KIAA1586: variants seen among roughly 807,000 people sequenced by gnomAD.
The protein encoded by KIAA1586 is KIAA1586.
In KIAA1586, 5 loss-of-function variants were observed where a neutral mutation model predicts 6.1. The observed-to-expected ratio is 0.82, with a 90% CI of 0.43 to 1.73. The LOEUF is 1.73. KIAA1586 is among the 40% of genes most tolerant of loss of function. The pLI is 0.02. For synonymous variants in KIAA1586, 280 were observed against 301.7 expected, an observed-to-expected ratio of 0.93 and a Z score of 0.75; for missense variants, 899 against 878.2, an observed-to-expected ratio of 1.02 and a Z score of -0.30.
chr6:57,060,722 T>A, the KIAA1586 span, among the ~76,000 whole-genome samples: 3 of 152,182 alleles, frequency 2.0e-5, no homozygotes, highest in Admixed American at 1.3e-4. Context: ...TTCAAGAGGT[T>A]TAGTCAATTG....
In KIAA1586 at chr6:57,053,324, A is replaced by T. The variant is rs1384964098; in HGVS notation, c.825A>T (p.Lys275Asn). The change falls in exon 4 of 4, where the codon AAA becomes AAT. Residue 275 changes from lysine to asparagine, a missense_variant. Lys to Asn is a moderately conservative substitution (Grantham distance 94). Coordinates refer to ENST00000370733, the MANE Select transcript of KIAA1586 (RefSeq NM_020931.4). ...DIEGARELQE[K>N]NGEVNCLNTR... is the part of the protein sequence containing the mutation. ...AGGGGGCAAGAGAATTACAGGAAAA[A>T]AATGGAGAGGTAAATTGTTTAAATA... is the stretch of plus-strand genomic sequence containing the variant. 1 of 1,612,634 alleles carries T rather than the reference A, an allele frequency of 6.2e-7. No individual in the cohort carries two copies. The highest frequency in any genetic ancestry group is 1.3e-5 in the African/African-American group (1 of 74,874).
At chr6:57,057,206 C>T (rs559727839), downstream of KIAA1586, among the ~76,000 whole-genome samples, 9 of 149,172 alleles carry the variant, frequency 6.0e-5, no homozygotes, top group South Asian at 6.4e-4. Flanking sequence ...CCAGCCTGGG[C>T]GACAGAGCGA....
intron 2 of KIAA1586, among the ~76,000 whole-genome samples, chr6:57,049,651 C>G (rs910069518): frequency 6.6e-6 from 1 of 152,148 alleles, no homozygotes; most frequent in Non-Finnish European, 1.5e-5. Context: ...TCCTTGCCAT[C>G]ACTATTTTTG....
Position 57,054,185 on chromosome 6 carries a change from A to C in KIAA1586, c.1686A>C (p.Arg562Ser). ...KAQKLIKRTIRALENLKIGTG... is the reference protein window; with the variant it reads ...KAQKLIKRTISALENLKIGTG... ...AAAAATTGATCAAACGTACCATAAG[A>C]GCTTTGGAAAATTTAAAAATTGGTA... Residue 562 changes from arginine to serine, a missense_variant, in exon 4 of 4, where the codon AGA becomes AGC. Coordinates refer to ENST00000370733, the MANE Select transcript of KIAA1586 (RefSeq NM_020931.4). The C allele has an allele frequency of 1.3e-6, 2 of 1,592,388 alleles. No homozygotes were observed. Among genetic ancestry groups the C allele is most frequent in the Non-Finnish European group, 1.7e-6 (2 of 1,172,652 alleles).
the KIAA1586 span, among the ~76,000 whole-genome samples, chr6:57,063,074 A>G: frequency 6.6e-6 from 1 of 152,248 alleles, no homozygotes; most frequent in Non-Finnish European, 1.5e-5. Flanking sequence ...AAAATTGGAA[A>G]TTTAACAAAA....
In KIAA1586 at chr6:57,053,754, T is replaced by G; in HGVS notation, c.1255T>G (p.Leu419Val). 1 of 1,598,104 alleles carries G rather than the reference T, an allele frequency of 6.3e-7. No homozygotes were observed. The highest frequency in any genetic ancestry group is 8.5e-7 in the Non-Finnish European group (1 of 1,172,352). Residue 419 changes from leucine to valine, a missense_variant, in exon 4 of 4, where the codon TTA becomes GTA. Coordinates refer to ENST00000370733, the MANE Select transcript of KIAA1586 (RefSeq NM_020931.4). ...TCCTGAAATCATCATTTGGAACTGT[T>G]TAAATCATCGATTACAATTGTCACT... ...NFPEIIIWNC[L>V]NHRLQLSLDD... is the part of the protein sequence containing the mutation.
the KIAA1586 span, among the ~76,000 whole-genome samples, chr6:57,065,635 C>T: frequency 1.1e-3 from 160 of 152,148 alleles, no homozygotes; most frequent in African/African-American, 3.7e-3. Flanking sequence ...TATAGGCTCA[C>T]ACCACCACAC....
chr6:57,061,211 C>T, the KIAA1586 span, among the ~76,000 whole-genome samples: 8 of 148,614 alleles, frequency 5.4e-5, no homozygotes, highest in South Asian at 6.5e-4. Flanking sequence ...CTCCTGACCT[C>T]GTGATCTGCC....
At chr6:57,051,101 A>G (rs1828313497) in intron 3 of KIAA1586, among the ~76,000 whole-genome samples, 2 of 151,278 alleles carry the variant, frequency 1.3e-5, no homozygotes, top group African/African-American at 4.9e-5. Flanking sequence ...GCTTGGTGGC[A>G]CATGCCTGTA....
At chr6:57,059,562 G>A (rs564880649), downstream of KIAA1586, among the ~76,000 whole-genome samples, 2 of 146,854 alleles carry the variant, frequency 1.4e-5, no homozygotes, top group Non-Finnish European at 3.0e-5. Flanking sequence ...CTGCACTCCA[G>A]CCTGGGCGAG....
rs750093460 is a variant in KIAA1586, at chr6:57,054,816, A to T, written c.2317A>T (p.Thr773Ser). 185 of 1,550,960 alleles carry T rather than the reference A, an allele frequency of 1.2e-4. No homozygotes were observed. The highest frequency in any genetic ancestry group is 1.5e-4 in the Non-Finnish European group (175 of 1,146,612). The change falls in exon 4 of 4, where the codon ACA (threonine) becomes TCA (serine). Residue 773 changes from threonine (T) to serine (S), a missense_variant. By Grantham distance (58) the Thr-to-Ser change is moderately conservative. Coordinates refer to ENST00000370733, the MANE Select transcript of KIAA1586 (RefSeq NM_020931.4). Reference sequence around the variant, plus strand: ...AGATACAAGAGTTCGGCAAAAGTCAACAAAAGTCTTCCATGAGAATCAATT... The same window carrying T: ...AGATACAAGAGTTCGGCAAAAGTCATCAAAAGTCTTCCATGAGAATCAATT... ...ATDTRVRQKS[T>S]KVFHENQLAI...
chr6:57,051,605 G>A (rs536595673), intron 3 of KIAA1586, among the ~76,000 whole-genome samples: 21 of 151,372 alleles, frequency 1.4e-4, no homozygotes, highest in East Asian at 9.6e-4. Flanking sequence ...TAGACTAAAT[G>A]CAATACAAAA....
At chr6:57,061,888 A>G in the KIAA1586 span, among the ~76,000 whole-genome samples, 1 of 151,906 alleles carries the variant, frequency 6.6e-6, no homozygotes, top group Non-Finnish European at 1.5e-5. Context: ...TGATCTTTTT[A>G]TTAATTATAG....
chr6:57,048,928 A>G (rs566451134), intron 2 of KIAA1586, among the ~76,000 whole-genome samples: 7 of 152,354 alleles, frequency 4.6e-5, no homozygotes, highest in African/African-American at 1.7e-4. Context: ...AAATCATTAT[A>G]TTTTAAATTG....
chr6:57,061,268 G>A, the KIAA1586 span, among the ~76,000 whole-genome samples: 3 of 152,106 alleles, frequency 2.0e-5, no homozygotes, highest in Non-Finnish European at 4.4e-5. Context: ...GAGCCACCGC[G>A]CCCGGCCATG....
chr6:57,054,545 CAA>C lies in KIAA1586; in HGVS notation c.2047_2048del (p.Asn683CysfsTer11), dbSNP rs1562572150. On this transcript the variant is annotated frameshift_variant, in exon 4 of 4. Transcript: ENST00000370733. LOFTEE classifies it low-confidence loss of function (END_TRUNC). Reference protein sequence around the residue: ...EFVNNNIKSNNVSIPTTIYKA... With the variant: ...EFVNNNIKSNXVSIPTTIYKA... ...TTGTAAATAATAATATAAAATCAAA[CAA>C]TGTTTCAATTCCTACAACTATATAC... 1.2e-6 allele frequency: 2 copies of C among 1,601,322 alleles called. No individual in the cohort carries two copies. The highest frequency in any genetic ancestry group is 2.2e-5 in the South Asian group (2 of 89,194).
rs759004777 is a variant in KIAA1586 at position 57,052,936 on chromosome 6, C to T, written c.437C>T (p.Thr146Ile). The change falls in exon 4 of 4, where the codon ACA (threonine) becomes ATA (isoleucine). Residue 146 changes from threonine (T) to isoleucine (I), a missense_variant. Coordinates refer to ENST00000370733, the MANE Select transcript of KIAA1586 (RefSeq NM_020931.4). ...AATGAAAAACAAGCATTTATGTTTACAGAACAATACAAATGGCTTGAAATA... is the reference window on the plus strand; with the variant it reads ...AATGAAAAACAAGCATTTATGTTTATAGAACAATACAAATGGCTTGAAATA... ...CWNEKQAFMFTEQYKWLEIKE... is the reference protein window; with the variant it reads ...CWNEKQAFMFIEQYKWLEIKE... 3.1e-6 allele frequency: 5 copies of T among 1,613,430 alleles called. No homozygotes were observed. In the South Asian group the frequency reaches 5.5e-5, roughly 18 times the overall value.
chr6:57,058,679 C>T (rs1157829515), downstream of KIAA1586, among the ~76,000 whole-genome samples: 2 of 152,100 alleles, frequency 1.3e-5, no homozygotes, highest in Non-Finnish European at 2.9e-5. Context: ...ATATTGAAAT[C>T]AAAACTTCTA....
chr6:57,048,597 AAG>A (rs1392150756), intron 2 of KIAA1586, among the ~76,000 whole-genome samples: 2 of 152,218 alleles, frequency 1.3e-5, no homozygotes, highest in African/African-American at 4.8e-5. Flanking sequence ...CTTGAAATCA[AAG>A]AGCAATGGTT....
Sources: allele counts gnomAD v4.1 joint callset (sites outside exome capture counted in the v4.1 genomes callset), GRCh38; gene constraint gnomAD v4.1.1; transcripts MANE v1.5; gene names NCBI Gene and HGNC (gene_info 2026-07-23, HGNC 2026-07-21).